The following ALDH2 variants were observed in gnomAD, a reference collection of about 807,000 sequenced individuals.
ALDH2 encodes the protein aldehyde dehydrogenase 2 family member, also known as aldehyde dehydrogenase, mitochondrial.
In ALDH2, 44 loss-of-function variants were observed where a neutral mutation model predicts 59.6. The ratio of observed to expected loss-of-function variants is 0.74; its 90% confidence interval spans 0.58 to 0.95. The LOEUF (loss-of-function observed/expected upper bound fraction) is 0.95. ALDH2 is among the 40% of genes least tolerant of loss of function. ALDH2 has a pLI of 0.00. For synonymous variants in ALDH2, 291 were observed against 284.0 expected (o/e 1.02, Z -0.25); for missense variants, 570 against 696.3 (o/e 0.82, Z 2.04).
chr12:111,802,923 T>A (rs959555758), intron 11 of ALDH2, among the ~76,000 whole-genome samples: 2 of 146,932 alleles, frequency 1.4e-5, no homozygotes, highest in Admixed American at 1.4e-4. Flanking sequence ...CCAAGCGTGG[T>A]GGCTCACACC....
intron 4 of ALDH2, among the ~76,000 whole-genome samples, chr12:111,787,074 C>T (rs1356589233): frequency 2.0e-5 from 3 of 151,960 alleles, no homozygotes; most frequent in South Asian, 2.1e-4. Context: ...GCAGTAGTGG[C>T]GCATGCCTGT....
rs1307154628 is a variant in ALDH2 at position 111,813,881 on chromosome 12, G to A, written c.*4306G>A. 1 of 152,216 alleles carries A rather than the reference G, an allele frequency of 6.6e-6. No homozygotes were observed. The highest frequency in any genetic ancestry group is 1.5e-5 in the Non-Finnish European group (1 of 68,046). The allele number at this position is 152,216 out of a possible 1,614,324, so 9.4% of individuals were successfully genotyped here. ...GAAAATGTTTTGGAACCAGATACAG[G>A]TGGTGGTTGTACAACATTGTGAATT... On this transcript the variant is annotated 3_prime_UTR_variant, in exon 13 of 13. Transcript: ENST00000261733.
In ALDH2 at chr12:111,813,734, T is replaced by C. The variant is rs896007123; in HGVS notation, c.*4159T>C. On this transcript the variant is annotated 3_prime_UTR_variant, in exon 13 of 13. Coordinates refer to ENST00000261733, the MANE Select transcript of ALDH2 (RefSeq NM_000690.4). ...CACAAAAGGAGAAGGACTGTATGAT[T>C]TCACTTATAGGAAATATCCAGAACA... 7 of 152,158 alleles carry C rather than the reference T, an allele frequency of 4.6e-5. No individual in the cohort carries two copies. The highest frequency in any genetic ancestry group is 1.2e-4 in the African/African-American group (5 of 41,438). 9.4% of individuals were successfully genotyped at this position (152,158 alleles called of 1,614,324 possible).
In ALDH2 at chr12:111,811,015, C is replaced by T. The variant is rs2068531770; in HGVS notation, c.*1440C>T. The T allele has an allele frequency of 6.6e-6, 1 of 152,124 alleles. No homozygotes were observed. Among genetic ancestry groups the T allele is most frequent in the South Asian group, 2.1e-4 (1 of 4,826 alleles). 9.4% of individuals were successfully genotyped at this position (152,124 alleles called of 1,614,324 possible). A position where few individuals can be genotyped will look rare whatever the true frequency, so the allele number is the denominator to read the frequency against. ...GTAACCAGACCTCTTGAGTCTCCCA[C>T]CCAGAACACTATCTTCCTCTAGTCA... On this transcript the variant is annotated 3_prime_UTR_variant, in exon 13 of 13. Transcript: ENST00000261733.
intron 9 of ALDH2, among the ~76,000 whole-genome samples, chr12:111,794,179 C>T (rs565142575): frequency 5.9e-5 from 9 of 151,854 alleles, no homozygotes; most frequent in African/African-American, 2.2e-4. Flanking sequence ...GCCACCATGC[C>T]CAGCTAATTT....
intron 1 of ALDH2, among the ~76,000 whole-genome samples, chr12:111,776,378 C>G (rs930652387): frequency 6.6e-6 from 1 of 152,146 alleles, no homozygotes; most frequent in African/African-American, 2.4e-5. Flanking sequence ...TTGCATTTAA[C>G]CTTCACATCA....
chr12:111,802,676 C>G (rs955736244), intron 11 of ALDH2, among the ~76,000 whole-genome samples: 4 of 147,534 alleles, frequency 2.7e-5, no homozygotes, highest in South Asian at 4.3e-4. Context: ...GTCAGAAGAT[C>G]AAGACCATCC....
chr12:111,806,848 G>T (rs1024906411), intron 12 of ALDH2, among the ~76,000 whole-genome samples: 6 of 152,012 alleles, frequency 3.9e-5, no homozygotes, highest in Non-Finnish European at 7.4e-5. Flanking sequence ...GCATGTGTCT[G>T]TGGTCCCAGC....
chr12:111,802,223 C>T (rs148905314), intron 11 of ALDH2, among the ~76,000 whole-genome samples: 34 of 152,044 alleles, frequency 2.2e-4, no homozygotes, highest in African/African-American at 7.5e-4. Context: ...ACCAGCCTGA[C>T]CAACATGGTG....
rs1473901350 is a variant in ALDH2, at chr12:111,791,374, C to T, written c.750C>T (p.Ala250=). 1.2e-6 allele frequency: 2 copies of T among 1,614,192 alleles called. No individual in the cohort carries two copies. Among genetic ancestry groups the T allele is most frequent in the African/African-American group, 1.3e-5 (1 of 75,072 alleles). ...GFGPTAGAAI[A]SHEDVDKVAF... The stretch of plus-strand genomic sequence containing the variant: ...GCCCCACGGCTGGGGCCGCCATTGC[C>T]TCCCATGAGGATGTGGACAAAGTGG... Residue 250 remains alanine (A), a synonymous_variant, in exon 7 of 13, where the codon GCC becomes GCT. Coordinates refer to ENST00000261733, the MANE Select transcript of ALDH2 (RefSeq NM_000690.4).
chr12:111,798,372 G>C (rs1342435196), intron 10 of ALDH2, 130 bp downstream of exon 10: 1 of 967,566 alleles, frequency 1.0e-6, no homozygotes, highest in Non-Finnish European at 1.5e-6. Flanking sequence ...CCCAGAACCA[G>C]TGCCCATAAC....
At chr12:111,793,585 G>T (rs1362197604) in intron 9 of ALDH2, among the ~76,000 whole-genome samples, 7 of 147,676 alleles carry the variant, frequency 4.7e-5, no homozygotes, top group South Asian at 4.3e-4. Context: ...GTATATTCGG[G>T]TTTTTTTTTT....
intron 1 of ALDH2, among the ~76,000 whole-genome samples, chr12:111,773,334 C>T (rs1338373760): frequency 1.3e-5 from 2 of 152,212 alleles, no homozygotes; most frequent in Non-Finnish European, 2.9e-5. Flanking sequence ...CTGTGGGACA[C>T]ACTTGAGTTT....
At chr12:111,789,497 A>G (rs1741632681) in intron 4 of ALDH2, among the ~76,000 whole-genome samples, 1 of 151,742 alleles carries the variant, frequency 6.6e-6, no homozygotes, top group South Asian at 2.1e-4. Context: ...GTCTCAAAAA[A>G]AAAAAAAGAA....
chr12:111,768,707 G>A (rs549597927), intron 1 of ALDH2, among the ~76,000 whole-genome samples: 68 of 152,038 alleles, frequency 4.5e-4, no homozygotes, highest in Middle Eastern at 3.4e-3. Context: ...AGTTAGGTGC[G>A]GTGGCACATG....
intron 10 of ALDH2, 50 bp from the exon 11 acceptor site, chr12:111,799,856 G>T (rs1566193540): frequency 6.3e-7 from 1 of 1,577,620 alleles, no homozygotes; most frequent in Non-Finnish European, 8.6e-7. Flanking sequence ...GAGCTCGATG[G>T]CAGGTGCCTC....
At chr12:111,782,372 C>A (rs1056717339) in intron 2 of ALDH2, among the ~76,000 whole-genome samples, 5 of 152,170 alleles carry the variant, frequency 3.3e-5, no homozygotes, top group Non-Finnish European at 7.3e-5. Flanking sequence ...AGGAACCAAT[C>A]GAAACTGATA....
intron 11 of ALDH2, among the ~76,000 whole-genome samples, chr12:111,803,314 C>T (rs189374324): frequency 9.9e-4 from 149 of 150,936 alleles, no homozygotes; most frequent in African/African-American, 3.4e-3. Flanking sequence ...GAAAAGAAAG[C>T]CATCCAGGTG....
rs371108126 is a variant in ALDH2 at position 111,787,995 on chromosome 12, C to T, written c.441-1828C>T. On this transcript the variant is annotated intron_variant, in intron 4 of 12. Transcript: ENST00000261733. ...TGGAGCTTGCAGTGAGCTGAGATCG[C>T]GCCACTGCACTCCAGCCTGGGCAAC... Among the ~76,000 whole-genome samples the T allele has an allele frequency of 1.6e-3, 249 of 151,820 alleles. 2 individuals are homozygous for T. In the East Asian group the frequency reaches 0.027, roughly 16 times the overall value.
Sources: allele counts gnomAD v4.1 joint callset (sites outside exome capture counted in the v4.1 genomes callset), GRCh38; gene constraint gnomAD v4.1.1; transcripts MANE v1.5; gene names NCBI Gene and HGNC (gene_info 2026-07-23, HGNC 2026-07-21).